EPHA3: variants seen among roughly 807,000 people sequenced by gnomAD.
EPHA3 encodes the protein ephrin type-A receptor 3.
EPHA3 carries 42 observed loss-of-function variants against 107.1 expected under a neutral mutation model. The ratio of observed to expected loss-of-function variants is 0.39; its 90% CI spans 0.31 to 0.51. The LOEUF (loss-of-function observed/expected upper bound fraction) is 0.51, where lower values mean the gene tolerates loss of function less well. Among genes scored for constraint, EPHA3 ranks in the 20% least tolerant of loss-of-function variants. The pLI, the probability that EPHA3 is intolerant of heterozygous loss-of-function variation, is 0.78. For synonymous variants in EPHA3, 461 were observed against 424.8 expected, an observed-to-expected ratio of 1.09 and a Z score of -1.05; for missense variants, 1,183 against 1,211.2, an observed-to-expected ratio of 0.98 and a Z score of 0.35.
intron 3 of EPHA3, among the ~76,000 whole-genome samples, chr3:89,233,835 T>G (rs1704691813): frequency 6.6e-6 from 1 of 152,340 alleles, no homozygotes. Context: ...GTCTATATAA[T>G]GATGATTTGC....
At chr3:89,438,938 C>T (rs2107544324) in intron 13 of EPHA3, among the ~76,000 whole-genome samples, 1 of 152,226 alleles carries the variant, frequency 6.6e-6, no homozygotes, top group East Asian at 1.9e-4. Flanking sequence ...AACATTTAAA[C>T]ATGTAAAAAA....
At chr3:89,183,519 C>T (rs1705491167) in intron 2 of EPHA3, among the ~76,000 whole-genome samples, 3 of 151,930 alleles carry the variant, frequency 2.0e-5, no homozygotes, top group South Asian at 4.1e-4. Context: ...CCTTTTGCCT[C>T]ACCTTCCTCT....
At chr3:89,134,211 CTT>C (rs79688748) in intron 2 of EPHA3, among the ~76,000 whole-genome samples, 10 of 145,468 alleles carry the variant, frequency 6.9e-5, no homozygotes, top group African/African-American at 1.3e-4. Context: ...TGTCAACTTT[CTT>C]TTTTTTTTTT....
chr3:89,283,592 T>C (rs186318943), intron 3 of EPHA3, among the ~76,000 whole-genome samples: 2 of 152,074 alleles, frequency 1.3e-5, no homozygotes, highest in Non-Finnish European at 2.9e-5. Flanking sequence ...CATTGCCACA[T>C]AGTGAAATGA....
intron 14 of EPHA3, 65 bp from the exon 15 acceptor site, chr3:89,450,112 A>C: frequency 1.4e-6 from 2 of 1,380,212 alleles, no homozygotes; most frequent in South Asian, 3.2e-5. Flanking sequence ...CCGCCCATGA[A>C]AACGTAAACT....
intron 10 of EPHA3, among the ~76,000 whole-genome samples, 188 bp downstream of exon 10, chr3:89,413,454 G>A (rs1709193012): frequency 6.6e-6 from 1 of 151,776 alleles, no homozygotes; most frequent in Admixed American, 6.6e-5. Context: ...CCGGCTCACA[G>A]ACCATGGCTG....
intron 5 of EPHA3, among the ~76,000 whole-genome samples, chr3:89,373,280 T>C (rs1473391460): frequency 4.0e-5 from 6 of 151,890 alleles, no homozygotes; most frequent in Middle Eastern, 3.2e-3. Context: ...AAAGAAATTA[T>C]ATTGCTAATT....
At chr3:89,360,447 G>A (rs1708069467) in intron 5 of EPHA3, among the ~76,000 whole-genome samples, 1 of 150,790 alleles carries the variant, frequency 6.6e-6, no homozygotes, top group African/African-American at 2.4e-5. Flanking sequence ...TAAACCACAG[G>A]CCATCCCATT....
At chr3:89,212,626 A>G (rs553399452) in intron 3 of EPHA3, among the ~76,000 whole-genome samples, 1 of 151,592 alleles carries the variant, frequency 6.6e-6, no homozygotes, top group Non-Finnish European at 1.5e-5. Flanking sequence ...ATCCAGCCTA[A>G]TGAATTATGT....
chr3:89,214,144 A>G (rs1190804987), intron 3 of EPHA3, among the ~76,000 whole-genome samples: 3 of 152,006 alleles, frequency 2.0e-5, no homozygotes, highest in Non-Finnish European at 2.9e-5. Flanking sequence ...GTTTGCATTT[A>G]ATTGTTCTAT....
At chr3:89,439,979 T>C (rs938629436) in intron 13 of EPHA3, among the ~76,000 whole-genome samples, 1 of 152,194 alleles carries the variant, frequency 6.6e-6, no homozygotes, top group Non-Finnish European at 1.5e-5. Flanking sequence ...TCATTTCACA[T>C]GATGTTGAAA....
chr3:89,399,358 G>T lies in EPHA3; in HGVS notation c.1472G>T (p.Gly491Val), dbSNP rs773835698. ...ETSYTILRAR[G>V]TNVTISSLKP... ...AGTTATACCATTCTGAGGGCAAGAG[G>T]CACAAATGTTACCATCAGTAGCCTC... is the stretch of plus-strand genomic sequence containing the variant. Residue 491 changes from glycine to valine, a missense_variant, in exon 7 of 17, where the codon GGC becomes GTC. By Grantham distance (109) the Gly-to-Val change is moderately radical. Transcript: ENST00000336596. 1 of 1,613,454 alleles carries T rather than the reference G, an allele frequency of 6.2e-7. No homozygotes were observed. Among genetic ancestry groups the T allele is most frequent in the Non-Finnish European group, 8.5e-7 (1 of 1,179,602 alleles).
chr3:89,470,282 C>A (rs1168422609), intron 15 of EPHA3, among the ~76,000 whole-genome samples: 4 of 151,976 alleles, frequency 2.6e-5, no homozygotes, highest in Non-Finnish European at 4.4e-5. Flanking sequence ...GACTAAATTT[C>A]TAGTTACTTA....
chr3:89,364,031 T>TA (rs1204018776), intron 5 of EPHA3, among the ~76,000 whole-genome samples: 7 of 150,788 alleles, frequency 4.6e-5, no homozygotes, highest in Non-Finnish European at 8.9e-5. Context: ...AGGTTTTTTT[T>TA]ATTGGTAAAT....
At chr3:89,391,335 A>G (rs1363791319) in intron 5 of EPHA3, among the ~76,000 whole-genome samples, 1 of 147,598 alleles carries the variant, frequency 6.8e-6, no homozygotes, top group Non-Finnish European at 1.5e-5. Context: ...TGCATAAGCC[A>G]CCCCTCCCTC....
intron 13 of EPHA3, among the ~76,000 whole-genome samples, chr3:89,435,763 G>A (rs1375360027): frequency 4.0e-5 from 6 of 150,196 alleles, no homozygotes; most frequent in African/African-American, 1.5e-4. Flanking sequence ...GACCAGCCTG[G>A]CCAACATGGT....
intron 15 of EPHA3, among the ~76,000 whole-genome samples, chr3:89,455,996 G>T (rs1576388138): frequency 1.3e-5 from 2 of 152,124 alleles, no homozygotes; most frequent in Admixed American, 6.6e-5. Context: ...TATTACCAGT[G>T]CAGATTGATA....
chr3:89,141,024 A>G (rs927736186), intron 2 of EPHA3, among the ~76,000 whole-genome samples: 4 of 151,700 alleles, frequency 2.6e-5, no homozygotes, highest in African/African-American at 9.7e-5. Context: ...GTAAGGCCCA[A>G]AGAATTTAAA....
intron 12 of EPHA3, among the ~76,000 whole-genome samples, chr3:89,429,854 G>A (rs994250552): frequency 1.3e-5 from 2 of 152,060 alleles, no homozygotes; most frequent in Non-Finnish European, 1.5e-5. Flanking sequence ...ATCCCCGCCT[G>A]CTGGGTTCAA....
Sources: gnomAD v4.1 joint callset for allele counts (sites outside exome capture counted in the v4.1 genomes callset) on GRCh38, gnomAD v4.1.1 for gene constraint, MANE v1.5 for transcripts, NCBI Gene and HGNC (gene_info 2026-07-23, HGNC 2026-07-21) for gene names.